Variants in CMTM8 observed in about 807,000 individuals in gnomAD.
The protein encoded by CMTM8 is CKLF-like MARVEL transmembrane domain-containing protein 8.
Under a neutral mutation model 18.6 loss-of-function variants are expected in CMTM8, and 12 were observed. That is an observed-to-expected ratio of 0.65 (90% CI 0.41 to 1.05). The LOEUF (loss-of-function observed/expected upper bound fraction) is 1.05, where lower values mean the gene tolerates loss of function less well. Among genes scored for constraint, CMTM8 ranks in the 50% least tolerant of loss-of-function variants. CMTM8 has a pLI of 0.00. For synonymous variants in CMTM8, 87 were observed against 90.6 expected (o/e 0.96, Z 0.23); for missense variants, 217 against 227.2 (o/e 0.95, Z 0.29).
At chr3:32,261,233 A>T (rs1361397956) in intron 1 of CMTM8, among the ~76,000 whole-genome samples, 1 of 152,150 alleles carries the variant, frequency 6.6e-6, no homozygotes, top group Non-Finnish European at 1.5e-5. Flanking sequence ...ATCCAAGTTA[A>T]TAATACATAT....
At chr3:32,259,126 G>T in intron 1 of CMTM8, 1 of 405,330 alleles carries the variant, frequency 2.5e-6, no homozygotes. Flanking sequence ...GGGTGGCATG[G>T]GGTCCGGGGA....
At chr3:32,333,303 C>G (rs1696317401) in intron 1 of CMTM8, among the ~76,000 whole-genome samples, 1 of 152,164 alleles carries the variant, frequency 6.6e-6, no homozygotes. Flanking sequence ...AACACTGTGG[C>G]CAGATTTGGC....
chr3:32,343,061 G>A (rs747174349), intron 1 of CMTM8, among the ~76,000 whole-genome samples: 1 of 152,172 alleles, frequency 6.6e-6, no homozygotes, highest in Admixed American at 6.5e-5. Flanking sequence ...TCACCTCAGC[G>A]AGAGAGGAAG....
At chr3:32,339,862 CT>C (rs1378895427) in intron 1 of CMTM8, among the ~76,000 whole-genome samples, 17 of 152,248 alleles carry the variant, frequency 1.1e-4, no homozygotes, top group Non-Finnish European at 1.8e-4. Flanking sequence ...ACTCGGGAGG[CT>C]GAGGCAGGAG....
At chr3:32,367,745 C>G (rs1697066649) in intron 2 of CMTM8, 127 bp from the exon 3 acceptor site, 1 of 622,874 alleles carries the variant, frequency 1.6e-6, no homozygotes, top group African/African-American at 1.8e-5. Flanking sequence ...GCCTTCTCCC[C>G]CACCCTCCCA....
intron 1 of CMTM8, among the ~76,000 whole-genome samples, chr3:32,278,577 T>C (rs1702555919): frequency 6.6e-6 from 1 of 152,172 alleles, no homozygotes; most frequent in South Asian, 2.1e-4. Context: ...GCTTTTATAT[T>C]TGTTGCCGCC....
intron 1 of CMTM8, among the ~76,000 whole-genome samples, chr3:32,346,316 G>C (rs1236424841): frequency 6.6e-6 from 1 of 152,192 alleles, no homozygotes; most frequent in Non-Finnish European, 1.5e-5. Context: ...CGTATCTATA[G>C]TTATAAATAA....
intron 1 of CMTM8, among the ~76,000 whole-genome samples, chr3:32,330,821 A>C (rs1696261459): frequency 6.6e-6 from 1 of 152,218 alleles, no homozygotes; most frequent in Non-Finnish European, 1.5e-5. Flanking sequence ...CTTACCTGAC[A>C]CCATGTATAA....
At chr3:32,254,706 C>T (rs1212051255) in intron 1 of CMTM8, among the ~76,000 whole-genome samples, 1 of 151,570 alleles carries the variant, frequency 6.6e-6, no homozygotes, top group Non-Finnish European at 1.5e-5. Context: ...TGTCAGCCAA[C>T]TTTCTCTGGA....
At chr3:32,347,826 A>G (rs57203247) in intron 1 of CMTM8, among the ~76,000 whole-genome samples, 3,404 of 152,150 alleles carry the variant, frequency 0.022, 113 homozygotes, top group African/African-American at 0.075. Context: ...AACAGCTTCA[A>G]TCGATAAAAA....
chr3:32,330,196 CA>C (rs1380127692), intron 1 of CMTM8, among the ~76,000 whole-genome samples: 6 of 77,662 alleles, frequency 7.7e-5, no homozygotes, highest in African/African-American at 2.4e-4. Context: ...ATCCCAGTGG[CA>C]TTTTTTTTTT....
At chr3:32,253,483 T>G (rs530069387) in intron 1 of CMTM8, among the ~76,000 whole-genome samples, 95 of 151,768 alleles carry the variant, frequency 6.3e-4, no homozygotes, top group African/African-American at 2.0e-3. Context: ...TAGCTGGGAT[T>G]ACAGTCGTCC....
chr3:32,253,953 G>A lies in CMTM8; in HGVS notation c.147+14834G>A, dbSNP rs192208049. Among the ~76,000 whole-genome samples, 560 of 151,942 alleles carry A rather than the reference G, an allele frequency of 3.7e-3. 11 individuals are homozygous for A. Among genetic ancestry groups the A allele is most frequent in the African/African-American group, 0.013 (536 of 41,432 alleles). The stretch of plus-strand genomic sequence containing the variant: ...TTGTTGCCCAGGCTGGAGTGCAGTG[G>A]CACAATCTCAGCTCACTGCAACCTC... On this transcript the variant is annotated intron_variant, in intron 1 of 3. Transcript: ENST00000307526.
intron 1 of CMTM8, among the ~76,000 whole-genome samples, chr3:32,262,565 G>A (rs1378935167): frequency 5.3e-5 from 8 of 152,326 alleles, no homozygotes; most frequent in Middle Eastern, 3.4e-3. Context: ...TTCTAAGGAC[G>A]TGCCCTATTT....
At chr3:32,353,765 TTAATATACTTCTGTGTTAA>T (rs1696758181) in intron 1 of CMTM8, among the ~76,000 whole-genome samples, 2 of 151,762 alleles carry the variant, frequency 1.3e-5, no homozygotes, top group African/African-American at 4.8e-5. Flanking sequence ...TTGTCATTTC[TTAATATACTTCTGTGTTAA>T]TTTTTTTTTT....
intron 1 of CMTM8, among the ~76,000 whole-genome samples, chr3:32,245,823 A>T (rs536317358): frequency 6.6e-6 from 1 of 152,254 alleles, no homozygotes; most frequent in East Asian, 1.9e-4. Context: ...ACTTTGAGAT[A>T]GAGTCTTGTT....
intron 1 of CMTM8, among the ~76,000 whole-genome samples, chr3:32,262,712 A>G (rs1323046437): frequency 6.6e-6 from 1 of 152,190 alleles, no homozygotes; most frequent in Non-Finnish European, 1.5e-5. Context: ...GCAAAAATAC[A>G]CCGAAGCTCT....
At position 32,331,564 on chromosome 3, in the gene CMTM8, G is replaced by A. The variant is rs558981121; in HGVS notation, c.148-25809G>A. Among the ~76,000 whole-genome samples the A allele has an allele frequency of 9.5e-3, 1,118 of 117,848 alleles. 18 individuals are homozygous for A. Among genetic ancestry groups the A allele is most frequent in the African/African-American group, 0.032 (1,059 of 32,678 alleles). 77.3% of individuals were successfully genotyped at this position (117,848 alleles called of 152,430 possible). ...AAATAAACCATACAAAAAAAAAAAAGGATCTTGAGATATTTGCACACTCAT... is the reference window on the plus strand; with the variant it reads ...AAATAAACCATACAAAAAAAAAAAAAGATCTTGAGATATTTGCACACTCAT... On this transcript the variant is annotated intron_variant, in intron 1 of 3. Coordinates refer to ENST00000307526, the MANE Select transcript of CMTM8 (RefSeq NM_178868.5).
intron 1 of CMTM8, among the ~76,000 whole-genome samples, chr3:32,282,258 A>G (rs1248894290): frequency 1.3e-5 from 2 of 152,202 alleles, no homozygotes; most frequent in African/African-American, 4.8e-5. Flanking sequence ...GTTTTTTCAA[A>G]AAATAAATTT....
Sources: allele counts gnomAD v4.1 joint callset (sites outside exome capture counted in the v4.1 genomes callset), GRCh38; gene constraint gnomAD v4.1.1; transcripts MANE v1.5; gene names NCBI Gene and HGNC (gene_info 2026-07-23, HGNC 2026-07-21).